The following REN variants were observed in gnomAD, a reference collection of about 807,000 sequenced individuals.
The protein encoded by REN is renin.
REN carries 42 observed loss-of-function variants against 48.6 expected under a neutral mutation model. The ratio of observed to expected loss-of-function variants is 0.86; its 90% CI spans 0.68 to 1.12. REN has a LOEUF of 1.12. Ranked by LOEUF, REN falls within the 50% of genes most tolerant of loss-of-function variation. REN has a pLI of 0.00. For missense variants in REN, 443 were observed against 527.3 expected, an observed-to-expected ratio of 0.84 and a Z score of 1.57; for synonymous variants, 196 against 204.6, an observed-to-expected ratio of 0.96 and a Z score of 0.36.
chr1:204,161,332 C>T lies in REN; in HGVS notation c.333G>A (p.Trp111Ter). Residue 111 changes from tryptophan to a stop codon, truncating the protein, a stop_gained, in exon 3 of 10, where the codon TGG (tryptophan) becomes TGA (stop). Coordinates refer to ENST00000272190, the MANE Select transcript of REN (RefSeq NM_000537.4). LOFTEE classifies it high-confidence loss of function. The stretch of plus-strand genomic sequence containing the variant: ...GACGGCTGCACTTGGAGGAGGGCAC[C>T]CAAACATTGGACGAACCAGTGTCAA... ...VVFDTGSSNV[W>*]VPSSKCSRLY... is the part of the protein sequence containing the mutation. 6.2e-7 allele frequency: 1 copy of T among 1,608,022 alleles called. No individual in the cohort carries two copies. Among genetic ancestry groups the T allele is most frequent in the South Asian group, 1.1e-5 (1 of 89,554 alleles).
At chr1:204,155,219 G>A (rs1258366684) in intron 9 of REN, 42 bp from the exon 10 acceptor site, 8 of 1,608,384 alleles carry the variant, frequency 5.0e-6, no homozygotes, top group Non-Finnish European at 6.8e-6. Context: ...CAGCACATGA[G>A]CATTCTCCTT....
At chr1:204,165,134 G>A (rs1229533270) in intron 1 of REN, among the ~76,000 whole-genome samples, 1 of 152,030 alleles carries the variant, frequency 6.6e-6, no homozygotes, top group Non-Finnish European at 1.5e-5. Context: ...ACCACGCCCG[G>A]CTAATTTTGT....
intron 1 of REN, among the ~76,000 whole-genome samples, chr1:204,165,363 C>A (rs538352147): frequency 1.3e-5 from 2 of 152,282 alleles, no homozygotes; most frequent in South Asian, 4.1e-4. Context: ...GCCTTATCTC[C>A]TAAAATCCCC....
At chr1:204,165,533 C>T (rs1461780602) in intron 1 of REN, among the ~76,000 whole-genome samples, 1 of 151,908 alleles carries the variant, frequency 6.6e-6, no homozygotes, top group Non-Finnish European at 1.5e-5. Flanking sequence ...ATAAGCCTTG[C>T]ATTTAACCAC....
At chr1:204,158,115 C>G (rs1369615003) in intron 5 of REN, among the ~76,000 whole-genome samples, 1 of 152,002 alleles carries the variant, frequency 6.6e-6, no homozygotes, top group Admixed American at 6.6e-5. Flanking sequence ...CACGCCACCC[C>G]CCATTCCCTT....
At chr1:204,161,164 G>A (rs940859925) in intron 3 of REN, 128 bp downstream of exon 3, 2 of 1,046,276 alleles carry the variant, frequency 1.9e-6, no homozygotes, top group African/African-American at 1.6e-5. Context: ...CATGTCAGTG[G>A]GCACAGAGGC....
intron 2 of REN, 141 bp downstream of exon 2, chr1:204,161,872 G>A: frequency 9.5e-7 from 1 of 1,056,488 alleles, no homozygotes; most frequent in Non-Finnish European, 1.4e-6. Context: ...TGGAAAATGG[G>A]AATTTTCTAG....
intron 2 of REN, 130 bp from the exon 3 acceptor site, chr1:204,161,545 C>G: frequency 1.2e-6 from 1 of 852,962 alleles, no homozygotes; most frequent in Non-Finnish European, 1.6e-6. Flanking sequence ...TCGGGGTTTC[C>G]ATTTTCCTGC....
intron 5 of REN, among the ~76,000 whole-genome samples, chr1:204,158,051 C>A (rs2102311868): frequency 6.6e-6 from 1 of 152,298 alleles, no homozygotes; most frequent in Admixed American, 6.5e-5. Flanking sequence ...CTCGAGCATC[C>A]TCTAGCATTT....
In REN at chr1:204,156,141, C is replaced by A; in HGVS notation, c.960+37G>T. The A allele has an allele frequency of 6.2e-7, 1 of 1,613,662 alleles. No individual in the cohort carries two copies. The highest frequency in any genetic ancestry group is 1.7e-5 in the Admixed American group (1 of 60,020). On this transcript the variant is annotated intron_variant, in intron 8 of 9. Coordinates refer to ENST00000272190, the MANE Select transcript of REN (RefSeq NM_000537.4). The surrounding 1 kb of genome is among the most constrained non-coding windows in gnomAD (Gnocchi z 4.2). ...TGTGAGCCGATACCAGGTGGCGCTC[C>A]CCCCACCCACAGCACCTTCCCTCTT...
chr1:204,162,882 G>A (rs1021948894), intron 1 of REN, among the ~76,000 whole-genome samples: 1 of 152,176 alleles, frequency 6.6e-6, no homozygotes, highest in Non-Finnish European at 1.5e-5. Context: ...ACCTTTGAGA[G>A]GCAGAATTAA....
rs767035835 is a variant in REN, at chr1:204,166,310, G to A, written c.-17C>T. 2 of 1,610,792 alleles carry A rather than the reference G, an allele frequency of 1.2e-6. No individual in the cohort carries two copies. Among genetic ancestry groups the A allele is most frequent in the Non-Finnish European group, 1.7e-6 (2 of 1,176,992 alleles). ...TCCATCCATGCTTCCCTCAGTCTGG[G>A]GCTCTCTCTGAGATCCACTGAGGTT... On this transcript the variant is annotated 5_prime_UTR_variant, in exon 1 of 10. Transcript: ENST00000272190.
intron 1 of REN, among the ~76,000 whole-genome samples, chr1:204,164,602 G>T (rs1463042506): frequency 1.6e-5 from 2 of 124,644 alleles, no homozygotes; most frequent in African/African-American, 6.4e-5. Flanking sequence ...ATAAGGTCTG[G>T]CTCTATCACC....
intron 5 of REN, among the ~76,000 whole-genome samples, chr1:204,158,411 C>CTTTTTTTT (rs576572389): frequency 2.3e-4 from 22 of 97,228 alleles, no homozygotes; most frequent in East Asian, 5.5e-4. Context: ...ACCCTTGTGA[C>CTTTTTTTT]TTTTTTTTTT....
At chr1:204,158,974 G>A (rs896847508) in intron 5 of REN, among the ~76,000 whole-genome samples, 2 of 152,182 alleles carry the variant, frequency 1.3e-5, no homozygotes, top group African/African-American at 4.8e-5. Context: ...CTCTGTGTGG[G>A]AGGAGCCATG....
intron 5 of REN, 29 bp from the exon 6 acceptor site, chr1:204,157,398 A>G: frequency 1.2e-6 from 2 of 1,614,236 alleles, no homozygotes; most frequent in Non-Finnish European, 8.5e-7. Context: ...AGCAGAAAGG[A>G]AGCTTCATTT....
intron 4 of REN, among the ~76,000 whole-genome samples, chr1:204,160,255 G>C (rs1309038850): frequency 1.3e-5 from 2 of 152,246 alleles, no homozygotes; most frequent in Non-Finnish European, 2.9e-5. Flanking sequence ...AGCCCAGTCA[G>C]AGCTGGTGAA....
chr1:204,157,049 C>T (rs1350719471), intron 6 of REN, among the ~76,000 whole-genome samples: 1 of 152,172 alleles, frequency 6.6e-6, no homozygotes, highest in Non-Finnish European at 1.5e-5. Context: ...CAAAAAGCAT[C>T]CCCAGAGAGG....
chr1:204,155,298 C>G, intron 9 of REN, 121 bp from the exon 10 acceptor site: 1 of 1,108,504 alleles, frequency 9.0e-7, no homozygotes, highest in Non-Finnish European at 1.3e-6. Flanking sequence ...TCTCCCCTAG[C>G]CACACTGGGC....
Sources: allele counts gnomAD v4.1 joint callset (sites outside exome capture counted in the v4.1 genomes callset), GRCh38; gene constraint gnomAD v4.1.1; non-coding constraint Gnocchi (gnomAD v3.1); transcripts MANE v1.5; gene names NCBI Gene and HGNC (gene_info 2026-07-23, HGNC 2026-07-21).